The following PPP2R3A variants were observed in gnomAD, a reference collection of about 807,000 sequenced individuals.
PPP2R3A encodes protein phosphatase 2 regulatory subunit B''alpha.
In PPP2R3A, 80 loss-of-function variants were observed where a neutral mutation model predicts 106.9. That is an observed-to-expected ratio of 0.75 (90% confidence interval 0.62 to 0.90). The LOEUF (loss-of-function observed/expected upper bound fraction) is 0.90. Ranked by LOEUF, PPP2R3A falls within the 40% of genes least tolerant of loss-of-function variation. PPP2R3A has a pLI of 0.00. For synonymous variants in PPP2R3A, 483 were observed against 468.3 expected, an observed-to-expected ratio of 1.03 and a Z score of -0.41; for missense variants, 1,386 against 1,350.4, an observed-to-expected ratio of 1.03 and a Z score of -0.41.
intron 12 of PPP2R3A, among the ~76,000 whole-genome samples, chr3:136,104,010 C>T (rs1415165369): frequency 6.6e-6 from 1 of 152,130 alleles, no homozygotes; most frequent in Non-Finnish European, 1.5e-5. Context: ...CTTACCATTC[C>T]TCTAAGAAGT....
intron 11 of PPP2R3A, 117 bp from the exon 12 acceptor site, chr3:136,103,141 G>T: frequency 1.9e-6 from 1 of 523,728 alleles, no homozygotes; most frequent in Non-Finnish European, 3.4e-6. Context: ...TTTTTATTCT[G>T]AAAATAGGAC....
intron 2 of PPP2R3A, among the ~76,000 whole-genome samples, chr3:136,022,394 C>A (rs1934497376): frequency 6.6e-6 from 1 of 152,038 alleles, no homozygotes; most frequent in Non-Finnish European, 1.5e-5. Flanking sequence ...TTTGTAAATT[C>A]CCATTTGAGA....
rs774888065 is a variant in PPP2R3A at position 136,023,202 on chromosome 3, G to T, written c.1996-3630G>T. On this transcript the variant is annotated intron_variant, in intron 2 of 13. Coordinates refer to ENST00000264977, the MANE Select transcript of PPP2R3A (RefSeq NM_002718.5). ...GCTGAAGTCATTTCAGCAGACACAG[G>T]TTTGAAATTTGGGTGTTTTGTTTTG... The T allele has an allele frequency of 1.9e-6, 3 of 1,548,982 alleles. No individual in the cohort carries two copies. In the South Asian group the frequency reaches 3.5e-5, roughly 18 times the overall value.
chr3:136,116,735 C>G (rs1219790068), intron 13 of PPP2R3A, among the ~76,000 whole-genome samples: 1 of 152,204 alleles, frequency 6.6e-6, no homozygotes. Context: ...CACCCAGATT[C>G]ATTAAGCAAG....
intron 7 of PPP2R3A, among the ~76,000 whole-genome samples, chr3:136,082,054 G>GC (rs1366941821): frequency 4.6e-5 from 7 of 152,100 alleles, no homozygotes; most frequent in African/African-American, 1.7e-4. Flanking sequence ...ACAGCATCCA[G>GC]CCCTTCACTG....
chr3:136,136,094 A>G (rs1228184617), intron 13 of PPP2R3A, among the ~76,000 whole-genome samples: 1 of 142,260 alleles, frequency 7.0e-6, no homozygotes, highest in African/African-American at 2.7e-5. Flanking sequence ...ATATATATAT[A>G]AAAAACATCA....
chr3:136,134,546 C>G lies in PPP2R3A; in HGVS notation c.3330-10497C>G, dbSNP rs557080804. Among the ~76,000 whole-genome samples the G allele has an allele frequency of 1.3e-3, 191 of 152,134 alleles. 1 individual carries two copies. Among genetic ancestry groups the G allele is most frequent in the Non-Finnish European group, 2.0e-3 (137 of 67,992 alleles). On this transcript the variant is annotated intron_variant, in intron 13 of 13. Coordinates refer to ENST00000264977, the MANE Select transcript of PPP2R3A (RefSeq NM_002718.5). ...AAAATTTTTAATTTCATAGAAAAATCCAGATTACAAAATTGTGATATAATC... is the reference window on the plus strand; with the variant it reads ...AAAATTTTTAATTTCATAGAAAAATGCAGATTACAAAATTGTGATATAATC...
At chr3:136,137,715 G>T (rs1361764779) in intron 13 of PPP2R3A, among the ~76,000 whole-genome samples, 3 of 151,534 alleles carry the variant, frequency 2.0e-5, no homozygotes, top group African/African-American at 2.4e-5. Flanking sequence ...CTAATTTTTT[G>T]TATTTTTAGT....
chr3:136,066,966 T>G (rs1936279688), intron 5 of PPP2R3A, among the ~76,000 whole-genome samples: 1 of 152,206 alleles, frequency 6.6e-6, no homozygotes, highest in Non-Finnish European at 1.5e-5. Flanking sequence ...TACATATACC[T>G]TAGTGTTAAA....
chr3:135,988,101 G>A (rs1005138485), intron 1 of PPP2R3A, among the ~76,000 whole-genome samples: 1 of 151,816 alleles, frequency 6.6e-6, no homozygotes, highest in East Asian at 1.9e-4. Context: ...GTCTTAATAG[G>A]CATCTTAAAG....
rs1036656174 is a variant in PPP2R3A, at chr3:136,079,072, G to A, written c.2631+619G>A. 8.3e-6 allele frequency: 3 copies of A among 360,412 alleles called. No homozygotes were observed. In the Admixed American group the frequency reaches 1.0e-4, roughly 12 times the overall value. 22.3% of individuals were successfully genotyped at this position (360,412 alleles called of 1,614,324 possible). ...AGAAAATGAAATGTTTTATTTTTAA[G>A]AATCATACTAAATGGAATTTAGGCT... is the stretch of plus-strand genomic sequence containing the variant. On this transcript the variant is annotated intron_variant, in intron 7 of 13. Coordinates refer to ENST00000264977, the MANE Select transcript of PPP2R3A (RefSeq NM_002718.5).
In PPP2R3A at chr3:136,001,449, A is replaced by C; in HGVS notation, c.-50A>C. 1 of 1,471,898 alleles carries C rather than the reference A, an allele frequency of 6.8e-7. No individual in the cohort carries two copies. The highest frequency in any genetic ancestry group is 9.3e-7 in the Non-Finnish European group (1 of 1,077,624). 91.2% of individuals were successfully genotyped at this position (1,471,898 alleles called of 1,614,324 possible). ...ACTGTCATTTAGGAGAATTTTCATG[A>C]AACAAGTTCTAGAAAGTTCCAAGTC... On this transcript the variant is annotated 5_prime_UTR_variant, in exon 2 of 14. Coordinates refer to ENST00000264977, the MANE Select transcript of PPP2R3A (RefSeq NM_002718.5).
At chr3:136,073,855 C>T (rs930794319) in intron 6 of PPP2R3A, among the ~76,000 whole-genome samples, 1 of 152,124 alleles carries the variant, frequency 6.6e-6, no homozygotes, top group African/African-American at 2.4e-5. Flanking sequence ...TTTTCTAGAA[C>T]AAATGTAAAA....
intron 1 of PPP2R3A, among the ~76,000 whole-genome samples, chr3:135,990,525 A>G (rs1933115523): frequency 6.6e-6 from 1 of 152,190 alleles, no homozygotes; most frequent in African/African-American, 2.4e-5. Context: ...CATTTGGAGT[A>G]CTTAATATAA....
chr3:136,082,159 GA>G (rs1343813270), intron 7 of PPP2R3A, 105 bp from the exon 8 acceptor site: 3 of 979,170 alleles, frequency 3.1e-6, no homozygotes, highest in African/African-American at 1.7e-5. Flanking sequence ...TTTGGTACCA[GA>G]AAAAAATTTT....
intron 10 of PPP2R3A, among the ~76,000 whole-genome samples, chr3:136,092,781 A>G (rs1395364484): frequency 6.6e-6 from 1 of 152,210 alleles, no homozygotes; most frequent in Non-Finnish European, 1.5e-5. Context: ...ATGGGGAAAA[A>G]AAACAGTGTT....
At chr3:136,064,196 T>G (rs1487686683) in intron 5 of PPP2R3A, among the ~76,000 whole-genome samples, 1 of 142,444 alleles carries the variant, frequency 7.0e-6, no homozygotes. Flanking sequence ...ATGTTCTCAC[T>G]CATAGGTGGG....
intron 2 of PPP2R3A, among the ~76,000 whole-genome samples, chr3:136,016,956 G>A (rs760519667): frequency 6.6e-5 from 10 of 152,112 alleles, no homozygotes; most frequent in South Asian, 2.1e-4. Context: ...GGTGTATTTC[G>A]AGGTTTTGTT....
At chr3:136,099,963 A>G (rs1287689601) in intron 10 of PPP2R3A, among the ~76,000 whole-genome samples, 6 of 151,614 alleles carry the variant, frequency 4.0e-5, no homozygotes, top group East Asian at 1.9e-4. Flanking sequence ...GGGAAGAGAG[A>G]TACAAACATT....
Sources: allele counts gnomAD v4.1 joint callset (sites outside exome capture counted in the v4.1 genomes callset), GRCh38; gene constraint gnomAD v4.1.1; transcripts MANE v1.5; gene names NCBI Gene and HGNC (gene_info 2026-07-23, HGNC 2026-07-21).